The following TXNDC11 variants were observed in gnomAD, a reference collection of about 807,000 sequenced individuals.
The protein encoded by TXNDC11 is thioredoxin domain containing 11, also known as thioredoxin domain-containing protein 11.
Under a neutral mutation model 78.0 loss-of-function variants are expected in TXNDC11, and 68 were observed. The ratio of observed to expected loss-of-function variants is 0.87; its 90% CI spans 0.72 to 1.07. The LOEUF (loss-of-function observed/expected upper bound fraction) is 1.07. Ranked by LOEUF, TXNDC11 falls within the 50% of genes least tolerant of loss-of-function variation. The pLI is 0.00. For missense variants in TXNDC11, 1,389 were observed against 1,221.8 expected (o/e 1.14, Z -2.04); for synonymous variants, 571 against 495.2 (o/e 1.15, Z -2.03).
intron 5 of TXNDC11, among the ~76,000 whole-genome samples, chr16:11,704,788 A>G (rs2051133779): frequency 6.6e-6 from 1 of 152,224 alleles, no homozygotes. Context: ...AAACCAACAC[A>G]TTGCGATATG....
At chr16:11,703,528 AC>A in intron 5 of TXNDC11, 1 of 538,350 alleles carries the variant, frequency 1.9e-6, no homozygotes, top group South Asian at 2.4e-5. Context: ...ACACACACAC[AC>A]ACACACACAC....
intron 5 of TXNDC11, among the ~76,000 whole-genome samples, chr16:11,715,127 C>G (rs11639977): frequency 0.038 from 5,817 of 152,216 alleles, 167 homozygotes; most frequent in Middle Eastern, 0.085. Flanking sequence ...TGGCGTGTGC[C>G]TGTAGTCCCA....
At chr16:11,709,496 G>A (rs1399042801) in intron 5 of TXNDC11, among the ~76,000 whole-genome samples, 8 of 141,920 alleles carry the variant, frequency 5.6e-5, no homozygotes, top group Non-Finnish European at 1.1e-4. Context: ...GTGCAGTGGC[G>A]CGATCTCGGC....
chr16:11,697,489 C>G (rs2050889872), intron 7 of TXNDC11, among the ~76,000 whole-genome samples: 1 of 152,232 alleles, frequency 6.6e-6, no homozygotes, highest in Non-Finnish European at 1.5e-5. Context: ...TGCCTGCTGT[C>G]TCTGAGCGCC....
chr16:11,680,264 T>C (rs570868846), intron 11 of TXNDC11, among the ~76,000 whole-genome samples: 1 of 151,838 alleles, frequency 6.6e-6, no homozygotes. Flanking sequence ...CCACTGACAG[T>C]GCCCGGAGAA....
Position 11,720,892 on chromosome 16 carries a change from C to G in TXNDC11, c.793+685G>C, listed in dbSNP as rs147411572. On this transcript the variant is annotated intron_variant, in intron 5 of 11. Coordinates refer to ENST00000283033, the MANE Select transcript of TXNDC11 (RefSeq NM_015914.7). ...AACTAGCTGGGATTACAGGTGTGTA[C>G]CACCACACGTGCCTAATTTTTGTAT... Among the ~76,000 whole-genome samples, 309 of 151,850 alleles carry G rather than the reference C, an allele frequency of 2.0e-3. 2 individuals carry two copies. The highest frequency in any genetic ancestry group is 7.0e-3 in the African/African-American group (289 of 41,450).
chr16:11,715,421 C>G (rs1397648086), intron 5 of TXNDC11, among the ~76,000 whole-genome samples: 1 of 148,636 alleles, frequency 6.7e-6, no homozygotes, highest in African/African-American at 2.5e-5. Flanking sequence ...AAGGTTACCA[C>G]TGCGTTCCAG....
intron 5 of TXNDC11, among the ~76,000 whole-genome samples, chr16:11,713,965 G>C (rs1001939725): frequency 6.6e-6 from 1 of 151,982 alleles, no homozygotes; most frequent in African/African-American, 2.4e-5. Context: ...CAATCTCCAA[G>C]CCATCCTTGC....
intron 5 of TXNDC11, among the ~76,000 whole-genome samples, chr16:11,715,803 G>A (rs1417603510): frequency 6.6e-6 from 1 of 152,180 alleles, no homozygotes; most frequent in African/African-American, 2.4e-5. Flanking sequence ...GAGGTGCACG[G>A]GAAAGGGGAA....
intron 5 of TXNDC11, among the ~76,000 whole-genome samples, chr16:11,710,772 GC>G (rs763981313): frequency 6.6e-5 from 10 of 152,250 alleles, no homozygotes; most frequent in Non-Finnish European, 1.5e-4. Context: ...CCGTGACTGT[GC>G]CACTGCACTC....
At chr16:11,701,158 A>C (rs1246959508) in intron 5 of TXNDC11, among the ~76,000 whole-genome samples, 1 of 83,380 alleles carries the variant, frequency 1.2e-5, no homozygotes, top group Admixed American at 1.9e-4. Flanking sequence ...TTTTTTTGAG[A>C]TGGAGTCTCG....
At chr16:11,737,305 C>T (rs2052251246) in intron 1 of TXNDC11, among the ~76,000 whole-genome samples, 1 of 151,468 alleles carries the variant, frequency 6.6e-6, no homozygotes, top group African/African-American at 2.4e-5. Flanking sequence ...AGTAGCTGGG[C>T]GTGGTGATGG....
chr16:11,700,349 C>G (rs2050977040), intron 6 of TXNDC11, 103 bp downstream of exon 6: 1 of 553,464 alleles, frequency 1.8e-6, no homozygotes, highest in Admixed American at 3.5e-5. Context: ...ATGCGCTTTT[C>G]TAGAGAGTGT....
At position 11,698,323 on chromosome 16, in the gene TXNDC11, G is replaced by A. The variant is rs368455413; in HGVS notation, c.909C>T (p.Val303=). ...TGTAGTTCAGGACCTCCCTGGGGAAGACCTGTGAAGGACAAAGGCACAGAG... is the reference window on the plus strand; with the variant it reads ...TGTAGTTCAGGACCTCCCTGGGGAAAACCTGTGAAGGACAAAGGCACAGAG... ...YLHRHFNTSL[V]FPREVLNYTA... is the part of the protein sequence containing the mutation. The change falls in exon 7 of 12, where the codon GTC becomes GTT. Residue 303 remains valine (V), a splice_region_variant and synonymous_variant. Transcript: ENST00000283033. The A allele has an allele frequency of 6.2e-7, 1 of 1,613,016 alleles. No individual in the cohort carries two copies. The highest frequency in any genetic ancestry group is 1.3e-5 in the African/African-American group (1 of 75,000).
chr16:11,734,823 C>T (rs547022125), intron 2 of TXNDC11, among the ~76,000 whole-genome samples: 10 of 152,220 alleles, frequency 6.6e-5, no homozygotes, highest in Non-Finnish European at 1.3e-4. Context: ...CGTTACTTCA[C>T]ATCAGTGGTT....
chr16:11,742,466 G>A lies in TXNDC11; in HGVS notation c.254+11C>T, dbSNP rs1319560870. On this transcript the variant is annotated intron_variant, in intron 1 of 11. Coordinates refer to ENST00000283033, the MANE Select transcript of TXNDC11 (RefSeq NM_015914.7). ...CGCCCTAGCGGGGCCCCAGGGTCCG[G>A]GCCGCCTCACCTGCAGGTGAACTTG... The A allele has an allele frequency of 1.6e-5, 22 of 1,418,074 alleles. No individual in the cohort carries two copies. The highest frequency in any genetic ancestry group is 1.8e-5 in the Non-Finnish European group (20 of 1,093,078). 87.8% of individuals were successfully genotyped at this position (1,418,074 alleles called of 1,614,324 possible). A position where few individuals can be genotyped will look rare whatever the true frequency, so the allele number is the denominator to read the frequency against.
chr16:11,720,894 A>T (rs2051685217), intron 5 of TXNDC11, among the ~76,000 whole-genome samples: 1 of 151,044 alleles, frequency 6.6e-6, no homozygotes, highest in Non-Finnish European at 1.5e-5. Context: ...GGTGTGTACC[A>T]CCACACGTGC....
chr16:11,734,963 C>T (rs886869414), intron 2 of TXNDC11, among the ~76,000 whole-genome samples: 2 of 152,258 alleles, frequency 1.3e-5, no homozygotes, highest in South Asian at 2.1e-4. Context: ...GCTTTGCACA[C>T]GGAAGAGTCG....
At chr16:11,705,423 A>G (rs2051153975) in intron 5 of TXNDC11, among the ~76,000 whole-genome samples, 1 of 152,230 alleles carries the variant, frequency 6.6e-6, no homozygotes, top group South Asian at 2.1e-4. Context: ...GACCAAAGAG[A>G]GGACGTGATT....
Sources: gnomAD v4.1 joint callset for allele counts (sites outside exome capture counted in the v4.1 genomes callset) on GRCh38, gnomAD v4.1.1 for gene constraint, MANE v1.5 for transcripts, NCBI Gene and HGNC (gene_info 2026-07-23, HGNC 2026-07-21) for gene names.